Variants in GRM5 observed in about 807,000 individuals in gnomAD.
GRM5 encodes the protein glutamate metabotropic receptor 5, also known as metabotropic glutamate receptor 5.
Under a neutral mutation model 83.1 loss-of-function variants are expected in GRM5, and 19 were observed. The ratio of observed to expected loss-of-function variants is 0.23; its 90% CI spans 0.16 to 0.34. The LOEUF (loss-of-function observed/expected upper bound fraction) is 0.34, where lower values mean the gene tolerates loss of function less well. Ranked by LOEUF, GRM5 falls within the 10% of genes least tolerant of loss-of-function variation. GRM5 has a pLI of 1.00. For synonymous variants in GRM5, 675 were observed against 633.6 expected (o/e 1.07, Z -0.98); for missense variants, 1,160 against 1,588.3 (o/e 0.73, Z 4.58).
intron 3 of GRM5, among the ~76,000 whole-genome samples, chr11:88,795,743 T>A (rs937635160): frequency 1.3e-5 from 2 of 152,174 alleles, no homozygotes; most frequent in African/African-American, 2.4e-5. Flanking sequence ...AGTAAGCAGC[T>A]GAACTGAGTC....
At chr11:88,521,266 A>C (rs988676467) in intron 9 of GRM5, among the ~76,000 whole-genome samples, 1 of 152,038 alleles carries the variant, frequency 6.6e-6, no homozygotes, top group Non-Finnish European at 1.5e-5. Context: ...AAATACAAAA[A>C]ATTAGCCGGG....
chr11:89,019,630 C>A (rs999826438), intron 2 of GRM5, among the ~76,000 whole-genome samples: 1 of 151,918 alleles, frequency 6.6e-6, no homozygotes, highest in Non-Finnish European at 1.5e-5. Flanking sequence ...ACTTGAGCCC[C>A]GGAGGTGGAG....
At position 88,728,568 on chromosome 11, in the gene GRM5, C is replaced by CA. The variant is rs566648659; in HGVS notation, c.912-75166dup. Reference sequence around the variant, plus strand: ...ATACCAAAACCTGGCAGAGACACAACAAAAAAAGAAAATTTCAGGCCAGTA... The same window carrying CA: ...ATACCAAAACCTGGCAGAGACACAACAAAAAAAAGAAAATTTCAGGCCAGTA... On this transcript the variant is annotated intron_variant, in intron 3 of 9. Transcript: ENST00000305447. Among the ~76,000 whole-genome samples, 63 of 151,996 alleles carry CA rather than the reference C, an allele frequency of 4.1e-4. No individual in the cohort carries two copies. The South Asian group carries it at 0.012, about 30-fold the overall frequency.
At chr11:88,993,372 G>A (rs1440078852) in intron 2 of GRM5, among the ~76,000 whole-genome samples, 4 of 151,684 alleles carry the variant, frequency 2.6e-5, no homozygotes, top group Admixed American at 6.6e-5. Flanking sequence ...ATCATTGTGT[G>A]TTCTTGGTAC....
chr11:88,813,316 T>C (rs1943617075), intron 3 of GRM5, among the ~76,000 whole-genome samples: 1 of 152,140 alleles, frequency 6.6e-6, no homozygotes, highest in Non-Finnish European at 1.5e-5. Flanking sequence ...GAATGATTAA[T>C]GGAACAGCAC....
intron 2 of GRM5, among the ~76,000 whole-genome samples, chr11:88,986,674 T>A (rs577126336): frequency 7.9e-5 from 12 of 151,306 alleles, no homozygotes; most frequent in African/African-American, 2.9e-4. Context: ...GTTGCTTGTT[T>A]CCTTTGCTGT....
At chr11:88,661,474 AT>A (rs1479343151) in intron 3 of GRM5, among the ~76,000 whole-genome samples, 5 of 151,918 alleles carry the variant, frequency 3.3e-5, no homozygotes, top group Non-Finnish European at 5.9e-5. Context: ...TTTTTTCAAA[AT>A]CTGTTTGCAA....
At chr11:88,575,164 T>A (rs1036351306) in intron 7 of GRM5, among the ~76,000 whole-genome samples, 6 of 152,172 alleles carry the variant, frequency 3.9e-5, no homozygotes, top group Non-Finnish European at 8.8e-5. Flanking sequence ...CAAGTTTTAT[T>A]GGTAACTGCC....
At position 88,525,348 on chromosome 11, in the gene GRM5, T is replaced by C. The variant is rs1941843995; in HGVS notation, c.2687A>G (p.Lys896Arg). ...HKSEIECFTP[K>R]GSMGNGGRAT... The stretch of plus-strand genomic sequence containing the variant: ...TCTCCCACCATTCCCCATACTCCCT[T>C]TGGGGGTGAAACACTCTATTTCCGA... The change falls in exon 9 of 10, where the codon AAA becomes AGA. Residue 896 changes from lysine to arginine, a missense_variant. Around this residue, in one of 9 missense-constraint regions of GRM5, gnomAD observed 562 missense variants for 532.4 expected, o/e 1.06. Transcript: ENST00000305447. 1.2e-6 allele frequency: 2 copies of C among 1,610,928 alleles called. No individual in the cohort carries two copies. The highest frequency in any genetic ancestry group is 1.7e-4 in the Middle Eastern group (1 of 6,044).
intron 3 of GRM5, among the ~76,000 whole-genome samples, chr11:88,717,055 T>G (rs951961681): frequency 7.9e-5 from 12 of 151,976 alleles, no homozygotes; most frequent in African/African-American, 2.9e-4. Flanking sequence ...TAGTAAATTA[T>G]CATGTATGTC....
intron 7 of GRM5, among the ~76,000 whole-genome samples, chr11:88,588,674 A>G (rs1000897651): frequency 6.6e-6 from 1 of 152,140 alleles, no homozygotes; most frequent in African/African-American, 2.4e-5. Flanking sequence ...CTTCAGAGAG[A>G]AATTATATGA....
At chr11:88,730,155 A>G (rs1941774897) in intron 3 of GRM5, among the ~76,000 whole-genome samples, 1 of 152,320 alleles carries the variant, frequency 6.6e-6, no homozygotes, top group South Asian at 2.1e-4. Context: ...AATATCCAGA[A>G]TCTACAAAGA....
intron 2 of GRM5, among the ~76,000 whole-genome samples, chr11:88,918,210 A>G (rs1945628093): frequency 6.6e-6 from 1 of 151,872 alleles, no homozygotes; most frequent in African/African-American, 2.4e-5. Context: ...AAAAACAAAA[A>G]CAAACCAAAC....
chr11:88,721,522 A>G lies in GRM5; in HGVS notation c.912-68119T>C, dbSNP rs770249182. On this transcript the variant is annotated intron_variant, in intron 3 of 9. Coordinates refer to ENST00000305447, the MANE Select transcript of GRM5 (RefSeq NM_001143831.3). ...GTCTAATATTACAGTTTATAGCATT[A>G]TCTTTCATAAGTGACTTTAATCATA... Among the ~76,000 whole-genome samples, 3 of 152,270 alleles carry G rather than the reference A, an allele frequency of 2.0e-5. No individual in the cohort carries two copies. The South Asian group carries it at 6.2e-4, about 32-fold the overall frequency.
intron 8 of GRM5, among the ~76,000 whole-genome samples, chr11:88,563,096 G>T (rs1942794451): frequency 1.3e-5 from 2 of 152,166 alleles, no homozygotes; most frequent in Non-Finnish European, 2.9e-5. Context: ...TCTGCTACTT[G>T]CAGACACAAT....
At chr11:88,683,953 G>C (rs1030545980) in intron 3 of GRM5, among the ~76,000 whole-genome samples, 8 of 152,210 alleles carry the variant, frequency 5.3e-5, no homozygotes, top group African/African-American at 2.4e-5. Context: ...AATAATGCTG[G>C]AGGGGATTGT....
intron 2 of GRM5, among the ~76,000 whole-genome samples, chr11:88,991,706 C>T (rs921306257): frequency 2.0e-5 from 3 of 151,792 alleles, no homozygotes; most frequent in African/African-American, 7.3e-5. Flanking sequence ...AGAAATAACG[C>T]CGCATATCTA....
chr11:88,979,795 T>C (rs1446524112), intron 2 of GRM5, among the ~76,000 whole-genome samples: 3 of 152,142 alleles, frequency 2.0e-5, no homozygotes, highest in Admixed American at 6.5e-5. Flanking sequence ...AAAAATCACT[T>C]CCTAATAGGG....
intron 2 of GRM5, among the ~76,000 whole-genome samples, chr11:89,019,141 G>A (rs992671656): frequency 5.3e-5 from 8 of 152,122 alleles, no homozygotes; most frequent in South Asian, 2.1e-4. Context: ...TGAGGAGCAC[G>A]AATCGGGTAT....
Sources: gnomAD v4.1 joint callset for allele counts (sites outside exome capture counted in the v4.1 genomes callset) on GRCh38, gnomAD v4.1.1 for gene constraint, gnomAD v4.1.1 regional missense constraint, MANE v1.5 for transcripts, NCBI Gene and HGNC (gene_info 2026-07-23, HGNC 2026-07-21) for gene names.